CS: variants seen among roughly 807,000 people sequenced by gnomAD.
CS encodes citrate synthase.
CS carries 13 observed loss-of-function variants against 61.4 expected under a neutral mutation model. The ratio of observed to expected loss-of-function variants is 0.21; its 90% CI spans 0.14 to 0.34. The LOEUF (loss-of-function observed/expected upper bound fraction) is 0.34, where lower values mean the gene tolerates loss of function less well. CS is among the 10% of genes least tolerant of loss of function. The pLI, the probability that CS is intolerant of heterozygous loss-of-function variation, is 1.00. For missense variants in CS, 278 were observed against 573.4 expected, an observed-to-expected ratio of 0.48 and a Z score of 5.26; for synonymous variants, 159 against 215.2, an observed-to-expected ratio of 0.74 and a Z score of 2.29.
At chr12:56,300,053 G>A (rs1048659031) in intron 1 of CS, 107 bp downstream of exon 1, 18 of 1,148,856 alleles carry the variant, frequency 1.6e-5, no homozygotes, top group Non-Finnish European at 2.2e-5. Context: ...GGCCCTTTAA[G>A]GCGCGCAGGG....
intron 1 of CS, among the ~76,000 whole-genome samples, chr12:56,291,460 C>G (rs1427047453): frequency 6.6e-6 from 1 of 151,936 alleles, no homozygotes; most frequent in East Asian, 1.9e-4. Flanking sequence ...TTTAACTAAC[C>G]CTGATGGCCA....
chr12:56,284,565 C>G (rs1038046510), intron 3 of CS, among the ~76,000 whole-genome samples: 5 of 151,228 alleles, frequency 3.3e-5, no homozygotes, highest in Non-Finnish European at 7.4e-5. Flanking sequence ...CACGTGCCAC[C>G]ATGTCTGGCT....
In CS at chr12:56,282,407, C is replaced by G; in HGVS notation, c.588+13G>C. The G allele has an allele frequency of 6.4e-7, 1 of 1,570,134 alleles. No individual in the cohort carries two copies. The highest frequency in any genetic ancestry group is 2.3e-4 in the Middle Eastern group (1 of 4,418). The stretch of plus-strand genomic sequence containing the variant: ...CCCCATCACACACCGATCACCCCAC[C>G]CAAATTTCCTACCTCCCAGTACTTG... On this transcript the variant is annotated intron_variant, in intron 6 of 10. Transcript: ENST00000351328.
At chr12:56,283,400 T>G (rs1352359107) in intron 4 of CS, among the ~76,000 whole-genome samples, 2 of 152,052 alleles carry the variant, frequency 1.3e-5, no homozygotes, top group East Asian at 1.9e-4. Flanking sequence ...CCTGCCACCA[T>G]GCCCGGCTAA....
intron 6 of CS, among the ~76,000 whole-genome samples, chr12:56,281,280 T>C (rs1323008764): frequency 6.6e-6 from 1 of 152,238 alleles, no homozygotes; most frequent in East Asian, 1.9e-4. Flanking sequence ...GTTTGTGGGG[T>C]ACTAGAAGAG....
Position 56,271,869 on chromosome 12 carries a change from G to C in CS, c.*1215C>G, listed in dbSNP as rs1015472009. ...AGTTTGGAGGAAAGATGGGGGCACA[G>C]CAGGAGTGTATCTTAATCCTTTCTC... On this transcript the variant is annotated 3_prime_UTR_variant, in exon 11 of 11. Coordinates refer to ENST00000351328, the MANE Select transcript of CS (RefSeq NM_004077.3). The C allele has an allele frequency of 2.2e-6, 1 of 456,304 alleles. No individual in the cohort carries two copies. Among genetic ancestry groups the C allele is most frequent in the African/African-American group, 2.0e-5 (1 of 50,072 alleles). 28.3% of individuals were successfully genotyped at this position (456,304 alleles called of 1,614,324 possible).
chr12:56,280,920 A>G lies in CS; in HGVS notation c.588+1500T>C, dbSNP rs1031882567. The stretch of plus-strand genomic sequence containing the variant: ...CAACTCCCCAATGCCAACCAAGTTA[A>G]TATCAATTTTAAATGCTCTCTGTCT... On this transcript the variant is annotated intron_variant, in intron 6 of 10. Coordinates refer to ENST00000351328, the MANE Select transcript of CS (RefSeq NM_004077.3). Among the ~76,000 whole-genome samples the G allele has an allele frequency of 2.6e-5, 4 of 152,162 alleles. No homozygotes were observed. The East Asian group carries it at 7.7e-4, about 29-fold the overall frequency.
chr12:56,283,045 C>A (rs190112730), intron 4 of CS, 54 bp from the exon 5 acceptor site: 1 of 1,599,376 alleles, frequency 6.3e-7, no homozygotes, highest in Non-Finnish European at 8.6e-7. Flanking sequence ...AGAAGTCACA[C>A]GACTGGTCTT....
intron 1 of CS, chr12:56,291,235 C>T: frequency 8.7e-7 from 1 of 1,154,206 alleles, no homozygotes; most frequent in Non-Finnish European, 1.1e-6. Flanking sequence ...AGTGTCAGAA[C>T]TTCCTGGGAG....
intron 3 of CS, among the ~76,000 whole-genome samples, chr12:56,285,633 C>T (rs752055875): frequency 2.0e-5 from 3 of 152,108 alleles, no homozygotes; most frequent in Non-Finnish European, 4.4e-5. Context: ...CTCCTGCCCA[C>T]TCAACCACTC....
chr12:56,299,035 C>T (rs1164931230), intron 1 of CS, among the ~76,000 whole-genome samples: 3 of 149,672 alleles, frequency 2.0e-5, no homozygotes, highest in African/African-American at 4.9e-5. Context: ...GAGCAATATC[C>T]TGTCTCAAAA....
Position 56,273,678 on chromosome 12 carries a change from A to T in CS, c.1139T>A (p.Leu380Gln). Residue 380 changes from leucine to glutamine, a missense_variant, in exon 10 of 11, where the codon CTG (leucine) becomes CAG (glutamine). Coordinates refer to ENST00000351328, the MANE Select transcript of CS (RefSeq NM_004077.3). ...GAGGACATTGGGCACAATCTTGTAC[A>T]GCTGAGCAACCAACTTAAACATGGG... ...NDPMFKLVAQ[L>Q]YKIVPNVLLE... 6.2e-7 allele frequency: 1 copy of T among 1,614,214 alleles called. No individual in the cohort carries two copies. The highest frequency in any genetic ancestry group is 8.5e-7 in the Non-Finnish European group (1 of 1,180,032).
At chr12:56,284,178 G>A (rs1217443705) in intron 3 of CS, among the ~76,000 whole-genome samples, 1 of 151,826 alleles carries the variant, frequency 6.6e-6, no homozygotes, top group Non-Finnish European at 1.5e-5. Flanking sequence ...AAAATTAGCG[G>A]GCATGGTGTA....
intron 1 of CS, among the ~76,000 whole-genome samples, chr12:56,289,722 G>A (rs569632371): frequency 4.0e-4 from 60 of 151,794 alleles, no homozygotes; most frequent in Non-Finnish European, 7.2e-4. Context: ...GATTACAGGC[G>A]TGAGCCACCG....
rs1405007044 is a variant in CS at position 56,283,778 on chromosome 12, T to C, written c.267+14A>G. On this transcript the variant is annotated intron_variant, in intron 4 of 10. Transcript: ENST00000351328. The stretch of plus-strand genomic sequence containing the variant: ...ACTCAATGATTATTAGTAATTGACA[T>C]GAAGATGTCTTACCTCATCAGGATC... 6.9e-6 allele frequency: 11 copies of C among 1,598,350 alleles called. 1 individual carries two copies. In the Middle Eastern group the frequency reaches 6.6e-4, roughly 96 times the overall value.
At chr12:56,286,531 C>A in intron 2 of CS, 64 bp downstream of exon 2, 1 of 1,504,264 alleles carries the variant, frequency 6.6e-7, no homozygotes, top group Admixed American at 1.7e-5. Flanking sequence ...TTGCCAAATC[C>A]TCTGCCCCAA....
intron 1 of CS, among the ~76,000 whole-genome samples, chr12:56,293,297 C>G (rs1462240904): frequency 6.6e-6 from 1 of 152,212 alleles, no homozygotes; most frequent in Non-Finnish European, 1.5e-5. Context: ...AGGATATGTC[C>G]TACCACATAT....
intron 3 of CS, 106 bp downstream of exon 3, chr12:56,285,810 G>A (rs567655405): frequency 1.1e-6 from 1 of 888,348 alleles, no homozygotes; most frequent in South Asian, 1.4e-5. Context: ...CTGTCCTACA[G>A]GGCCTATGGG....
At position 56,272,204 on chromosome 12, in the gene CS, T is replaced by C; in HGVS notation, c.*880A>G. 4.4e-6 allele frequency: 1 copy of C among 227,536 alleles called. No individual in the cohort carries two copies. The highest frequency in any genetic ancestry group is 8.9e-6 in the Non-Finnish European group (1 of 111,752). 14.1% of individuals were successfully genotyped at this position (227,536 alleles called of 1,614,324 possible). A position where few individuals can be genotyped will look rare whatever the true frequency, so the allele number is the denominator to read the frequency against. On this transcript the variant is annotated 3_prime_UTR_variant, in exon 11 of 11. Coordinates refer to ENST00000351328, the MANE Select transcript of CS (RefSeq NM_004077.3). ...TTCCGGAGTTCTATGCCCCACAGCA[T>C]ATTAAAAGATGGGGGTTGGTGGGGG...
Sources: gnomAD v4.1 joint callset for allele counts (sites outside exome capture counted in the v4.1 genomes callset) on GRCh38, gnomAD v4.1.1 for gene constraint, MANE v1.5 for transcripts, NCBI Gene and HGNC (gene_info 2026-07-23, HGNC 2026-07-21) for gene names.